PRKCA: variants seen among roughly 807,000 people sequenced by gnomAD.
PRKCA encodes the protein protein kinase C alpha type.
Under a neutral mutation model 87.0 loss-of-function variants are expected in PRKCA, and 27 were observed. The observed-to-expected ratio is 0.31, with a 90% CI of 0.23 to 0.43. The LOEUF is 0.43. Among genes scored for constraint, PRKCA ranks in the 20% least tolerant of loss-of-function variants. The pLI is 1.00. For synonymous variants in PRKCA, 329 were observed against 311.1 expected (o/e 1.06, Z -0.61); for missense variants, 518 against 852.3 (o/e 0.61, Z 4.88).
At chr17:66,469,532 C>T (rs940847803) in intron 2 of PRKCA, among the ~76,000 whole-genome samples, 3 of 152,178 alleles carry the variant, frequency 2.0e-5, no homozygotes, top group African/African-American at 7.2e-5. Context: ...GGTATCTGAG[C>T]AATTCATTAC....
intron 2 of PRKCA, among the ~76,000 whole-genome samples, chr17:66,423,988 C>T (rs1912638812): frequency 6.6e-6 from 1 of 152,104 alleles, no homozygotes; most frequent in Admixed American, 6.6e-5. Context: ...AAACAATTCT[C>T]TTTGGCACTT....
Position 66,658,491 on chromosome 17 carries a change from AAACAACAACAAC to A in PRKCA, c.529+13003_529+13014del, listed in dbSNP as rs61208838. Reference sequence around the variant, plus strand: ...AACAAGAGCAAAACTCTGTCTTCAAAAACAACAACAACAACAACAACAACAACAACAACAGAT... The same window carrying A: ...AACAAGAGCAAAACTCTGTCTTCAAAAACAACAACAACAACAACAACAGAT... On this transcript the variant is annotated intron_variant, in intron 5 of 16. Coordinates refer to ENST00000413366, the MANE Select transcript of PRKCA (RefSeq NM_002737.3). Among the ~76,000 whole-genome samples the A allele has an allele frequency of 1.1e-4, 17 of 150,370 alleles. No homozygotes were observed. In the East Asian group the frequency reaches 2.0e-3, roughly 17 times the overall value.
intron 2 of PRKCA, among the ~76,000 whole-genome samples, chr17:66,354,475 G>A (rs1598611465): frequency 6.6e-6 from 1 of 152,266 alleles, no homozygotes; most frequent in East Asian, 1.9e-4. Context: ...TGTGTTGGGA[G>A]CCAATGTAAG....
intron 3 of PRKCA, among the ~76,000 whole-genome samples, chr17:66,610,849 G>C (rs1331708701): frequency 6.6e-6 from 1 of 152,134 alleles, no homozygotes; most frequent in Non-Finnish European, 1.5e-5. Context: ...CTAGTTGGGT[G>C]GGAAAGGAGA....
At chr17:66,566,474 TTTTTGG>T (rs1219993033) in intron 3 of PRKCA, among the ~76,000 whole-genome samples, 38 of 124,078 alleles carry the variant, frequency 3.1e-4, no homozygotes, top group African/African-American at 4.9e-4. Context: ...CTGTTGTTGT[TTTTTGG>T]TTTTTTTTTT....
chr17:66,733,979 G>T (rs1973964425), intron 9 of PRKCA, among the ~76,000 whole-genome samples: 1 of 152,228 alleles, frequency 6.6e-6, no homozygotes, highest in Non-Finnish European at 1.5e-5. Context: ...ATAGTGATCT[G>T]AGTTGTCAAT....
intron 3 of PRKCA, among the ~76,000 whole-genome samples, chr17:66,529,837 C>G (rs888843344): frequency 6.6e-6 from 1 of 152,148 alleles, no homozygotes; most frequent in African/African-American, 2.4e-5. Flanking sequence ...TCTTCTTAAG[C>G]CTCAAAATAA....
chr17:66,456,451 A>G (rs1914578807), intron 2 of PRKCA, among the ~76,000 whole-genome samples: 1 of 152,200 alleles, frequency 6.6e-6, no homozygotes, highest in Non-Finnish European at 1.5e-5. Flanking sequence ...AAGGCTCTAT[A>G]AGAGGCCATT....
intron 3 of PRKCA, among the ~76,000 whole-genome samples, chr17:66,607,528 C>T (rs1970245050): frequency 6.6e-6 from 1 of 152,172 alleles, no homozygotes; most frequent in Non-Finnish European, 1.5e-5. Flanking sequence ...GAAAATACCA[C>T]CTCATTTTCT....
intron 3 of PRKCA, among the ~76,000 whole-genome samples, chr17:66,604,675 G>A (rs1157911234): frequency 3.9e-5 from 6 of 152,178 alleles, no homozygotes; most frequent in Non-Finnish European, 8.8e-5. Flanking sequence ...TCTTGATTTT[G>A]AGTATGACTT....
intron 3 of PRKCA, among the ~76,000 whole-genome samples, chr17:66,523,325 T>A (rs2144229313): frequency 6.6e-6 from 1 of 152,186 alleles, no homozygotes; most frequent in South Asian, 2.1e-4. Context: ...AAACTGGGAG[T>A]TAAAAAGCAC....
At chr17:66,317,484 G>A (rs1448271056) in intron 2 of PRKCA, among the ~76,000 whole-genome samples, 9 of 152,196 alleles carry the variant, frequency 5.9e-5, no homozygotes, top group East Asian at 3.8e-4. Flanking sequence ...GGCTGCCCTT[G>A]TGTGTGACTG....
intron 8 of PRKCA, among the ~76,000 whole-genome samples, chr17:66,717,844 C>A (rs898845130): frequency 5.9e-5 from 9 of 152,206 alleles, no homozygotes; most frequent in African/African-American, 2.2e-4. Context: ...GCTGCAGTTG[C>A]CAGCAGGAGA....
intron 10 of PRKCA, among the ~76,000 whole-genome samples, chr17:66,737,576 C>T (rs1183136018): frequency 6.6e-6 from 1 of 152,242 alleles, no homozygotes; most frequent in Non-Finnish European, 1.5e-5. Context: ...AGGAACCTCT[C>T]AGTGCTTTTG....
At chr17:66,710,073 C>T (rs1973285695) in intron 8 of PRKCA, among the ~76,000 whole-genome samples, 1 of 152,150 alleles carries the variant, frequency 6.6e-6, no homozygotes, top group Admixed American at 6.5e-5. Context: ...TGATGTGAGA[C>T]CACTTTCAGA....
At chr17:66,703,646 T>G (rs1204477706) in intron 8 of PRKCA, 4 of 152,002 alleles carry the variant, frequency 2.6e-5, no homozygotes, top group Non-Finnish European at 5.9e-5. Flanking sequence ...AATACAAAAA[T>G]TAGCCAGGCA....
intron 3 of PRKCA, among the ~76,000 whole-genome samples, chr17:66,635,609 G>A (rs1431106742): frequency 1.3e-5 from 2 of 152,152 alleles, no homozygotes; most frequent in Non-Finnish European, 2.9e-5. Context: ...TGAGATCAGC[G>A]GGTTATATAT....
intron 3 of PRKCA, among the ~76,000 whole-genome samples, chr17:66,562,235 T>C (rs1021422611): frequency 8.9e-5 from 11 of 123,056 alleles, no homozygotes; most frequent in South Asian, 2.7e-4. Flanking sequence ...ATTATATATA[T>C]ATATATCTCA....
intron 3 of PRKCA, among the ~76,000 whole-genome samples, chr17:66,636,155 A>G (rs1242417139): frequency 6.6e-6 from 1 of 152,154 alleles, no homozygotes; most frequent in Non-Finnish European, 1.5e-5. Flanking sequence ...AGTAAAATGC[A>G]TCACTATTTA....
Sources: gnomAD v4.1 joint callset for allele counts (sites outside exome capture counted in the v4.1 genomes callset) on GRCh38, gnomAD v4.1.1 for gene constraint, MANE v1.5 for transcripts, NCBI Gene and HGNC (gene_info 2026-07-23, HGNC 2026-07-21) for gene names.